Variants in CD2AP observed in about 807,000 individuals in gnomAD.
The protein encoded by CD2AP is CD2 associated protein, also known as CD2-associated protein.
In CD2AP, 46 loss-of-function variants were observed where a neutral mutation model predicts 85.1. The observed-to-expected ratio is 0.54, with a 90% confidence interval of 0.43 to 0.69. The LOEUF is 0.69. CD2AP is among the 30% of genes least tolerant of loss of function. CD2AP has a pLI of 0.00. For missense variants in CD2AP, 769 were observed against 729.5 expected (o/e 1.05, Z -0.62); for synonymous variants, 255 against 252.9 (o/e 1.01, Z -0.08).
At chr6:47,622,072 TA>T in intron 17 of CD2AP, among the ~76,000 whole-genome samples, 1 of 152,142 alleles carries the variant, frequency 6.6e-6, no homozygotes, top group Non-Finnish European at 1.5e-5. Context: ...GTTGTGTAGC[TA>T]GGAGGAATAT....
chr6:47,624,096 A>G, intron 17 of CD2AP, 90 bp from the exon 18 acceptor site: 1 of 1,069,278 alleles, frequency 9.4e-7, no homozygotes, highest in East Asian at 2.5e-5. Flanking sequence ...GAAGGCTTGA[A>G]AGTATGATCA....
intron 2 of CD2AP, among the ~76,000 whole-genome samples, chr6:47,505,955 A>C (rs1766150887): frequency 1.3e-5 from 1 of 78,530 alleles, no homozygotes. Flanking sequence ...GACGCTCCTC[A>C]CTTCCCAGAT....
At chr6:47,559,388 A>G (rs1473115441) in intron 5 of CD2AP, among the ~76,000 whole-genome samples, 3 of 151,624 alleles carry the variant, frequency 2.0e-5, no homozygotes, top group Non-Finnish European at 2.9e-5. Flanking sequence ...CCTGCCAAGT[A>G]GCTGGGACTG....
intron 2 of CD2AP, among the ~76,000 whole-genome samples, chr6:47,532,746 A>G (rs1451021579): frequency 1.3e-5 from 2 of 152,158 alleles, no homozygotes; most frequent in Admixed American, 1.3e-4. Flanking sequence ...TTTGTTCTGT[A>G]TAAATTTAGA....
chr6:47,604,931 G>A (rs1769229541), intron 13 of CD2AP, among the ~76,000 whole-genome samples: 1 of 151,946 alleles, frequency 6.6e-6, no homozygotes, highest in Admixed American at 6.6e-5. Flanking sequence ...TATTCTAGTT[G>A]TTATAAAATG....
intron 4 of CD2AP, among the ~76,000 whole-genome samples, chr6:47,553,913 A>C (rs1423227356): frequency 1.3e-5 from 2 of 152,102 alleles, no homozygotes; most frequent in African/African-American, 4.8e-5. Flanking sequence ...CTGCTCAAGT[A>C]ATAGGTTTAG....
At chr6:47,522,440 T>C (rs936533421) in intron 2 of CD2AP, among the ~76,000 whole-genome samples, 5 of 152,204 alleles carry the variant, frequency 3.3e-5, no homozygotes, top group Non-Finnish European at 5.9e-5. Flanking sequence ...TATAATGTTT[T>C]TATTTTGCTG....
At chr6:47,555,404 A>G (rs545926588) in intron 5 of CD2AP, among the ~76,000 whole-genome samples, 17 of 152,302 alleles carry the variant, frequency 1.1e-4, no homozygotes, top group African/African-American at 3.6e-4. Flanking sequence ...ATGTAGGGAT[A>G]AGAATATGTT....
chr6:47,556,972 C>T (rs942976287), intron 5 of CD2AP, among the ~76,000 whole-genome samples: 1 of 152,162 alleles, frequency 6.6e-6, no homozygotes, highest in Admixed American at 6.5e-5. Context: ...TTCTCCACAT[C>T]CTCTCCAGCA....
In CD2AP at chr6:47,481,580, A is replaced by G. The variant is rs1765445225; in HGVS notation, c.4+3332A>G. Among the ~76,000 whole-genome samples the G allele has an allele frequency of 2.6e-5, 4 of 152,212 alleles. No individual in the cohort carries two copies. The South Asian group carries it at 8.3e-4, about 32-fold the overall frequency. ...AGGCTGGTCTCGAACTCCTGACCTCATGTGATCTGCCCGCTTTGGCCTCCC... is the reference window on the plus strand; with the variant it reads ...AGGCTGGTCTCGAACTCCTGACCTCGTGTGATCTGCCCGCTTTGGCCTCCC... On this transcript the variant is annotated intron_variant, in intron 1 of 17. Transcript: ENST00000359314.
chr6:47,613,015 A>G (rs1173892023), intron 17 of CD2AP, among the ~76,000 whole-genome samples: 1 of 152,160 alleles, frequency 6.6e-6, no homozygotes, highest in Non-Finnish European at 1.5e-5. Flanking sequence ...AGTAGATTCC[A>G]CCTCACAAAG....
chr6:47,543,166 A>G (rs1180088573), intron 3 of CD2AP, among the ~76,000 whole-genome samples: 4 of 144,832 alleles, frequency 2.8e-5, no homozygotes, highest in East Asian at 3.9e-4. Flanking sequence ...AAAAAAAAAA[A>G]AAAAAAGAAA....
chr6:47,554,756 G>A lies in CD2AP; in HGVS notation c.531G>A (p.Gln177=). The change falls in exon 5 of 18, where the codon CAG becomes CAA. Residue 177 remains glutamine (Q), a synonymous_variant. Transcript: ENST00000359314. ...VTDDGETHEA[Q]DDSETVLAGP... The stretch of plus-strand genomic sequence containing the variant: ...ATGATGGTGAAACTCATGAAGCCCA[G>A]GACGATTCAGGTAGACTATTTTTTA... 6.2e-7 allele frequency: 1 copy of A among 1,612,012 alleles called. No individual in the cohort carries two copies. Among genetic ancestry groups the A allele is most frequent in the Middle Eastern group, 1.7e-4 (1 of 6,048 alleles).
rs185269060 is a variant in CD2AP, at chr6:47,590,725, T to G, written c.1109-5136T>G. Among the ~76,000 whole-genome samples, 21 of 152,180 alleles carry G rather than the reference T, an allele frequency of 1.4e-4. No homozygotes were observed. The East Asian group carries it at 3.7e-3, about 27-fold the overall frequency. On this transcript the variant is annotated intron_variant, in intron 11 of 17. Transcript: ENST00000359314. Reference sequence around the variant, plus strand: ...GACTGTACAGTGGGAAGGTCTTATGTACATGTAATTGGAGGACCAGATAGG... The same window carrying G: ...GACTGTACAGTGGGAAGGTCTTATGGACATGTAATTGGAGGACCAGATAGG...
chr6:47,551,185 TAAAA>T (rs56246987), intron 4 of CD2AP, among the ~76,000 whole-genome samples: 2 of 151,314 alleles, frequency 1.3e-5, no homozygotes, highest in African/African-American at 2.4e-5. Flanking sequence ...CCTATGGAAA[TAAAA>T]AAAAGAAAAA....
intron 2 of CD2AP, among the ~76,000 whole-genome samples, chr6:47,521,791 A>G (rs1766604487): frequency 6.6e-6 from 1 of 152,020 alleles, no homozygotes; most frequent in Non-Finnish European, 1.5e-5. Context: ...TGAGGCGGGC[A>G]GGTCACCTGA....
intron 11 of CD2AP, among the ~76,000 whole-genome samples, chr6:47,595,413 A>G (rs1768913532): frequency 2.0e-5 from 3 of 151,628 alleles, no homozygotes; most frequent in Admixed American, 2.0e-4. Context: ...CTTCACCATC[A>G]TGCTTTTTAA....
chr6:47,518,067 G>T (rs1361158237), intron 2 of CD2AP, among the ~76,000 whole-genome samples: 1 of 152,156 alleles, frequency 6.6e-6, no homozygotes, highest in Non-Finnish European at 1.5e-5. Context: ...GTTGGGGGAG[G>T]TTCTGAGTGT....
intron 9 of CD2AP, 134 bp downstream of exon 9, chr6:47,579,623 G>T (rs2114104723): frequency 1.6e-6 from 1 of 639,220 alleles, no homozygotes; most frequent in East Asian, 2.8e-5. Flanking sequence ...TCAGGTAGGA[G>T]TTATTTGAGT....
Sources: allele counts gnomAD v4.1 joint callset (sites outside exome capture counted in the v4.1 genomes callset), GRCh38; gene constraint gnomAD v4.1.1; transcripts MANE v1.5; gene names NCBI Gene and HGNC (gene_info 2026-07-23, HGNC 2026-07-21).